PLEKHA7: variants seen among roughly 807,000 people sequenced by gnomAD.
The protein encoded by PLEKHA7 is pleckstrin homology domain-containing family A member 7.
Under a neutral mutation model 170.0 loss-of-function variants are expected in PLEKHA7, and 104 were observed. The observed-to-expected ratio is 0.61, with a 90% CI of 0.52 to 0.72. The LOEUF (loss-of-function observed/expected upper bound fraction) is 0.72, where lower values mean the gene tolerates loss of function less well. PLEKHA7 is among the 30% of genes least tolerant of loss of function. The probability of loss-of-function intolerance (pLI) is 0.00; values close to 1 mark genes in which losing one functional copy is unlikely to be tolerated. For missense variants in PLEKHA7, 1,615 were observed against 1,671.7 expected, an observed-to-expected ratio of 0.97 and a Z score of 0.59; for synonymous variants, 648 against 660.8, an observed-to-expected ratio of 0.98 and a Z score of 0.30.
intron 3 of PLEKHA7, among the ~76,000 whole-genome samples, chr11:16,892,619 CTTTTTT>C (rs10674972): frequency 0.13 from 10,646 of 82,486 alleles, 655 homozygotes; most frequent in Non-Finnish European, 0.17. Context: ...CTTCCAGCTT[CTTTTTT>C]TTTTTTTTTT....
intron 4 of PLEKHA7, among the ~76,000 whole-genome samples, chr11:16,866,466 C>T (rs1051098619): frequency 2.0e-4 from 30 of 152,040 alleles, no homozygotes; most frequent in African/African-American, 5.6e-4. Context: ...GTGGCGGGCA[C>T]CTGTAATCCC....
intron 3 of PLEKHA7, among the ~76,000 whole-genome samples, chr11:16,985,118 C>G (rs1248647394): frequency 6.6e-6 from 1 of 152,252 alleles, no homozygotes; most frequent in Non-Finnish European, 1.5e-5. Flanking sequence ...AGGAAGGAAG[C>G]CTTCAGAAGC....
intron 3 of PLEKHA7, among the ~76,000 whole-genome samples, chr11:16,915,206 C>T (rs1858547908): frequency 6.6e-6 from 1 of 152,238 alleles, no homozygotes; most frequent in African/African-American, 2.4e-5. Context: ...TTGCCCTGAA[C>T]TCACAACATC....
chr11:16,818,791 CT>C (rs11401977), intron 10 of PLEKHA7, among the ~76,000 whole-genome samples: 3 of 148,720 alleles, frequency 2.0e-5, no homozygotes, highest in Admixed American at 6.7e-5. Context: ...TATTTTCTTT[CT>C]TTTTTTTTTC....
chr11:16,846,571 T>C (rs963788422), intron 8 of PLEKHA7, among the ~76,000 whole-genome samples: 1 of 152,138 alleles, frequency 6.6e-6, no homozygotes, highest in Non-Finnish European at 1.5e-5. Flanking sequence ...GAGGATGAAA[T>C]GAGACATACA....
At position 16,794,679 on chromosome 11, in the gene PLEKHA7, C is replaced by CAGGCA; in HGVS notation, c.2553_2554insTGCCT (p.Val852CysfsTer49). Reference sequence around the variant, plus strand: ...CTCTCAGAAGTTGAGAGTGAAGGCACAGGCGGGTGAGGAAACAAAGGCACC... The same window carrying CAGGCA: ...CTCTCAGAAGTTGAGAGTGAAGGCACAGGCAAGGCGGGTGAGGAAACAAAGGCACC... On this transcript the variant is annotated frameshift_variant, in exon 19 of 27. Transcript: ENST00000531066. LOFTEE classifies it high-confidence loss of function. 6.2e-7 allele frequency: 1 copy of CAGGCA among 1,613,964 alleles called. No individual in the cohort carries two copies. The highest frequency in any genetic ancestry group is 8.5e-7 in the Non-Finnish European group (1 of 1,179,962).
chr11:16,888,849 T>C (rs1856386462), intron 3 of PLEKHA7, among the ~76,000 whole-genome samples: 2 of 118,664 alleles, frequency 1.7e-5, no homozygotes, highest in Admixed American at 8.8e-5. Context: ...CAATAAATAC[T>C]AAAAAAAAAT....
intron 3 of PLEKHA7, among the ~76,000 whole-genome samples, chr11:16,888,388 TTTG>T (rs1361961115): frequency 6.6e-6 from 1 of 152,234 alleles, no homozygotes; most frequent in Non-Finnish European, 1.5e-5. Flanking sequence ...CGATGGCGGT[TTTG>T]TTGAGTAGAC....
intron 4 of PLEKHA7, among the ~76,000 whole-genome samples, chr11:16,869,409 C>T (rs1036478826): frequency 3.9e-5 from 6 of 152,222 alleles, no homozygotes; most frequent in Admixed American, 1.3e-4. Context: ...CTCTCCTAAG[C>T]TGTGTGTCTC....
intron 3 of PLEKHA7, among the ~76,000 whole-genome samples, chr11:16,884,270 T>A (rs1855912472): frequency 6.6e-6 from 1 of 152,184 alleles, no homozygotes; most frequent in Non-Finnish European, 1.5e-5. Flanking sequence ...TCCCCCAAAC[T>A]AGTTTTATTT....
At chr11:16,801,879 A>G in intron 15 of PLEKHA7, 62 bp from the exon 16 acceptor site, 1 of 1,596,540 alleles carries the variant, frequency 6.3e-7, no homozygotes, top group Non-Finnish European at 8.6e-7. Context: ...GCCTCCCCAT[A>G]CCACACCAGG....
In PLEKHA7 at chr11:16,789,717, G is replaced by A; in HGVS notation, c.3156+58C>T. 1 of 1,481,404 alleles carries A rather than the reference G, an allele frequency of 6.8e-7. No individual in the cohort carries two copies. The highest frequency in any genetic ancestry group is 9.4e-7 in the Non-Finnish European group (1 of 1,067,638). The allele number at this position is 1,481,404 out of a possible 1,614,324, so 91.8% of individuals were successfully genotyped here. Reference sequence around the variant, plus strand: ...ATGGCCAGTTACTGTCCCCCTGGGAGACCCTCCCTCCCCATGTGAAGGAGC... The same window carrying A: ...ATGGCCAGTTACTGTCCCCCTGGGAAACCCTCCCTCCCCATGTGAAGGAGC... On this transcript the variant is annotated intron_variant, in intron 22 of 26. Coordinates refer to ENST00000531066, the MANE Select transcript of PLEKHA7 (RefSeq NM_001329630.2). The surrounding 1 kb of genome is among the most constrained non-coding windows in gnomAD (Gnocchi z 4.6).
At chr11:16,784,786 T>A (rs1218561925) in intron 24 of PLEKHA7, among the ~76,000 whole-genome samples, 1 of 152,274 alleles carries the variant, frequency 6.6e-6, no homozygotes, top group East Asian at 1.9e-4. Flanking sequence ...TGGCAAGAAA[T>A]AAGCTCTTCT....
chr11:16,813,874 A>C (rs1215193252), intron 12 of PLEKHA7, among the ~76,000 whole-genome samples: 1 of 152,008 alleles, frequency 6.6e-6, no homozygotes, highest in Non-Finnish European at 1.5e-5. Context: ...TAAGAAAAAG[A>C]CTCTTTGATT....
intron 4 of PLEKHA7, among the ~76,000 whole-genome samples, chr11:16,856,273 G>T (rs1022203415): frequency 6.6e-6 from 1 of 152,150 alleles, no homozygotes; most frequent in Non-Finnish European, 1.5e-5. Flanking sequence ...TTCTCAGCAC[G>T]CAAGAGCAAT....
chr11:16,908,484 G>A (rs1390777964), intron 3 of PLEKHA7, among the ~76,000 whole-genome samples: 1 of 147,664 alleles, frequency 6.8e-6, no homozygotes, highest in Non-Finnish European at 1.5e-5. Flanking sequence ...CCCAGACTGA[G>A]AAAATAATTT....
Position 16,876,033 on chromosome 11 carries a change from G to C in PLEKHA7, c.222-4851C>G, listed in dbSNP as rs138481623. ...CCAGGCTCATCCTTGCCAAACAAAG[G>C]CTGCCTATTAAACGCTGGCTCCCCA... On this transcript the variant is annotated intron_variant, in intron 3 of 26. Coordinates refer to ENST00000531066, the MANE Select transcript of PLEKHA7 (RefSeq NM_001329630.2). Among the ~76,000 whole-genome samples, 98 of 152,088 alleles carry C rather than the reference G, an allele frequency of 6.4e-4. 1 individual carries two copies. The highest frequency in any genetic ancestry group is 6.0e-3 in the Admixed American group (91 of 15,274).
In PLEKHA7 at chr11:16,785,815, G is replaced by A. The variant is rs12577914; in HGVS notation, c.3516+414C>T. ...CCCCCCATTTTCCCCTAGTCAGACT[G>A]CCCAAGTTGGCCTCACCAGCCAGTT... On this transcript the variant is annotated intron_variant, in intron 24 of 26. Coordinates refer to ENST00000531066, the MANE Select transcript of PLEKHA7 (RefSeq NM_001329630.2). Among the ~76,000 whole-genome samples, 237 of 152,284 alleles carry A rather than the reference G, an allele frequency of 1.6e-3. 2 individuals carry two copies. The East Asian group carries it at 0.043, about 28-fold the overall frequency.
At position 16,778,357 on chromosome 11, in the gene PLEKHA7, A is replaced by C. The variant is rs1227070236; in HGVS notation, c.*641T>G. The C allele has an allele frequency of 6.6e-6, 1 of 152,242 alleles. No homozygotes were observed. The highest frequency in any genetic ancestry group is 6.5e-5 in the Admixed American group (1 of 15,284). 9.4% of individuals were successfully genotyped at this position (152,242 alleles called of 1,614,324 possible). ...AGCCTGGGGGCAGGTTGTGGGCCCCAGTCCTCTTGAACACACTGTTGCCCC... is the reference window on the plus strand; with the variant it reads ...AGCCTGGGGGCAGGTTGTGGGCCCCCGTCCTCTTGAACACACTGTTGCCCC... On this transcript the variant is annotated 3_prime_UTR_variant, in exon 27 of 27. Coordinates refer to ENST00000531066, the MANE Select transcript of PLEKHA7 (RefSeq NM_001329630.2).
Sources: gnomAD v4.1 joint callset for allele counts (sites outside exome capture counted in the v4.1 genomes callset) on GRCh38, gnomAD v4.1.1 for gene constraint, Gnocchi (gnomAD v3.1) non-coding constraint, MANE v1.5 for transcripts, NCBI Gene and HGNC (gene_info 2026-07-23, HGNC 2026-07-21) for gene names.